Variants in PCDH9 observed in about 807,000 individuals in gnomAD.
PCDH9 encodes protocadherin 9, also known as protocadherin-9.
A neutral mutation model predicts 70.6 loss-of-function variants in PCDH9; 24 were observed. The observed-to-expected ratio is 0.34, with a 90% CI of 0.25 to 0.48. The LOEUF (loss-of-function observed/expected upper bound fraction) is 0.48, where lower values mean the gene tolerates loss of function less well. PCDH9 is among the 20% of genes least tolerant of loss of function. PCDH9 has a pLI of 0.99. For synonymous variants in PCDH9, 562 were observed against 558.5 expected, an observed-to-expected ratio of 1.01 and a Z score of -0.09; for missense variants, 1,281 against 1,503.6, an observed-to-expected ratio of 0.85 and a Z score of 2.45.
intron 4 of PCDH9, among the ~76,000 whole-genome samples, chr13:66,457,802 C>T (rs1958349519): frequency 6.6e-6 from 1 of 152,034 alleles, no homozygotes. Context: ...CTCACATCAT[C>T]TTCCTCTAGA....
At chr13:67,090,501 G>C (rs2086196315) in intron 2 of PCDH9, among the ~76,000 whole-genome samples, 1 of 151,618 alleles carries the variant, frequency 6.6e-6, no homozygotes, top group Admixed American at 6.6e-5. Context: ...CTTCATTTAG[G>C]GCTTACTTTT....
At chr13:66,640,967 C>T (rs2077701009) in intron 3 of PCDH9, among the ~76,000 whole-genome samples, 1 of 152,024 alleles carries the variant, frequency 6.6e-6, no homozygotes, top group African/African-American at 2.4e-5. Context: ...CCTCTGCCTC[C>T]CGGGTTCGAG....
intron 4 of PCDH9, among the ~76,000 whole-genome samples, chr13:66,520,420 T>C (rs893695897): frequency 6.6e-6 from 1 of 152,170 alleles, no homozygotes; most frequent in Non-Finnish European, 1.5e-5. Context: ...TGAGATAAGA[T>C]TGGGTGGGAA....
chr13:67,206,045 T>G (rs1336464691), intron 2 of PCDH9: 1 of 152,196 alleles, frequency 6.6e-6, no homozygotes. Flanking sequence ...CTCGCTATGT[T>G]GTCTAGGCAG....
At chr13:67,144,628 A>T (rs2087476379) in intron 2 of PCDH9, among the ~76,000 whole-genome samples, 1 of 152,156 alleles carries the variant, frequency 6.6e-6, no homozygotes, top group African/African-American at 2.4e-5. Context: ...TATGAAGGAT[A>T]TTTTTTCATT....
At chr13:67,193,493 A>C (rs2088977065) in intron 2 of PCDH9, among the ~76,000 whole-genome samples, 1 of 152,112 alleles carries the variant, frequency 6.6e-6, no homozygotes, top group Non-Finnish European at 1.5e-5. Flanking sequence ...TAAATTCAGG[A>C]AAGTAAGCAC....
intron 2 of PCDH9, among the ~76,000 whole-genome samples, chr13:67,150,703 T>A (rs1461905745): frequency 6.6e-6 from 1 of 152,180 alleles, no homozygotes; most frequent in Non-Finnish European, 1.5e-5. Flanking sequence ...GCAACTAACA[T>A]AAACTTGTTT....
In PCDH9 at chr13:66,863,809, G is replaced by C. The variant is rs927569303; in HGVS notation, c.3138+39695C>G. Among the ~76,000 whole-genome samples, 44 of 152,062 alleles carry C rather than the reference G, an allele frequency of 2.9e-4. 1 individual carries two copies. Among genetic ancestry groups the C allele is most frequent in the Admixed American group, 5.2e-4 (8 of 15,258 alleles). On this transcript the variant is annotated intron_variant, in intron 3 of 4. Transcript: ENST00000377865. ...AACTGTGACATGCAAAATTTCTAGG[G>C]AAATTTTGGTACTATAAGACATCGT... is the stretch of plus-strand genomic sequence containing the variant.
intron 2 of PCDH9, among the ~76,000 whole-genome samples, chr13:67,174,286 A>G: frequency 6.6e-6 from 1 of 151,256 alleles, no homozygotes; most frequent in Non-Finnish European, 1.5e-5. Context: ...ATAGCTAGAT[A>G]GACAGATGAT....
At chr13:66,490,766 T>G (rs563854720) in intron 4 of PCDH9, among the ~76,000 whole-genome samples, 17 of 152,154 alleles carry the variant, frequency 1.1e-4, no homozygotes, top group Non-Finnish European at 8.8e-5. Context: ...AAATTCCTGA[T>G]GCAAAAAACT....
chr13:66,617,302 C>T (rs754190194), intron 4 of PCDH9, among the ~76,000 whole-genome samples: 11 of 152,158 alleles, frequency 7.2e-5, no homozygotes, highest in Non-Finnish European at 1.6e-4. Flanking sequence ...ACCCCGGTAT[C>T]TGGTAGGAAG....
intron 3 of PCDH9, among the ~76,000 whole-genome samples, chr13:66,824,667 T>TGC (rs2080780642): frequency 2.0e-5 from 1 of 48,838 alleles, no homozygotes; most frequent in Non-Finnish European, 5.2e-5. Flanking sequence ...TATATATATA[T>TGC]ATATATATAT....
intron 2 of PCDH9, among the ~76,000 whole-genome samples, chr13:66,920,458 T>C (rs1328110311): frequency 6.6e-6 from 1 of 151,122 alleles, no homozygotes; most frequent in East Asian, 1.9e-4. Context: ...TCTTGAATGA[T>C]GGATTTCACT....
intron 4 of PCDH9, among the ~76,000 whole-genome samples, chr13:66,571,764 C>A (rs2076736550): frequency 6.6e-6 from 1 of 151,978 alleles, no homozygotes; most frequent in Non-Finnish European, 1.5e-5. Flanking sequence ...TCTGAGGTCA[C>A]AAAATAGTCA....
At chr13:66,550,640 A>G (rs1268317403) in intron 4 of PCDH9, among the ~76,000 whole-genome samples, 3 of 152,160 alleles carry the variant, frequency 2.0e-5, no homozygotes, top group Admixed American at 2.0e-4. Context: ...CCTTGATAGC[A>G]CAGAGCCCCA....
chr13:66,950,964 CAA>C (rs34846833), intron 2 of PCDH9, among the ~76,000 whole-genome samples: 2 of 150,172 alleles, frequency 1.3e-5, no homozygotes, highest in African/African-American at 4.9e-5. Context: ...GGCTTATAAG[CAA>C]AAAAAAAATT....
At chr13:66,328,705 C>T (rs529361095) in intron 4 of PCDH9, among the ~76,000 whole-genome samples, 22 of 152,094 alleles carry the variant, frequency 1.4e-4, no homozygotes, top group East Asian at 5.8e-4. Flanking sequence ...AAGTGTGACA[C>T]GTGCGACTGA....
chr13:67,217,460 T>A (rs2089635012), intron 2 of PCDH9: 1 of 152,110 alleles, frequency 6.6e-6, no homozygotes, highest in Non-Finnish European at 1.5e-5. Flanking sequence ...AAAATATGCA[T>A]GGCTATTTGC....
intron 2 of PCDH9, among the ~76,000 whole-genome samples, chr13:67,065,326 C>G (rs947708918): frequency 2.6e-5 from 4 of 152,082 alleles, no homozygotes; most frequent in African/African-American, 9.7e-5. Flanking sequence ...TTTTATTAGT[C>G]TAATTTTAAT....
Sources: gnomAD v4.1 joint callset for allele counts (sites outside exome capture counted in the v4.1 genomes callset) on GRCh38, gnomAD v4.1.1 for gene constraint, MANE v1.5 for transcripts, NCBI Gene and HGNC (gene_info 2026-07-23, HGNC 2026-07-21) for gene names.